ORC3: variants seen among roughly 807,000 people sequenced by gnomAD.
ORC3 encodes the protein origin recognition complex subunit 3, also known as homolog of latheo, Drosophila.
In ORC3, 78 loss-of-function variants were observed where a neutral mutation model predicts 100.7. That is an observed-to-expected ratio of 0.77 (90% confidence interval 0.65 to 0.94). The LOEUF is 0.94. Ranked by LOEUF, ORC3 falls within the 40% of genes least tolerant of loss-of-function variation. The pLI is 0.00. For synonymous variants in ORC3, 295 were observed against 289.3 expected (o/e 1.02, Z -0.20); for missense variants, 789 against 823.9 (o/e 0.96, Z 0.52).
intron 13 of ORC3, among the ~76,000 whole-genome samples, chr6:87,647,187 C>T (rs78130080): frequency 0.013 from 1,957 of 152,224 alleles, 50 homozygotes; most frequent in African/African-American, 0.045. Context: ...CAAAACCCTC[C>T]GTTAACTCCG....
At chr6:87,653,567 G>A (rs1769441397) in intron 14 of ORC3, among the ~76,000 whole-genome samples, 1 of 152,204 alleles carries the variant, frequency 6.6e-6, no homozygotes, top group Non-Finnish European at 1.5e-5. Context: ...GTAGCAGGGT[G>A]TCATAATTAA....
intron 16 of ORC3, among the ~76,000 whole-genome samples, chr6:87,662,285 C>T (rs151065212): frequency 0.029 from 4,393 of 152,008 alleles, 215 homozygotes; most frequent in African/African-American, 0.1. Context: ...ATTAGCCGGG[C>T]GTGTTGGTGG....
At chr6:87,666,280 T>A (rs189848318) in intron 19 of ORC3, among the ~76,000 whole-genome samples, 3 of 151,792 alleles carry the variant, frequency 2.0e-5, no homozygotes, top group South Asian at 2.1e-4. Flanking sequence ...TACAGGTGCC[T>A]GCCACCAAGC....
the ORC3 span, among the ~76,000 whole-genome samples, chr6:87,676,202 C>G: frequency 6.6e-6 from 1 of 152,112 alleles, no homozygotes; most frequent in African/African-American, 2.4e-5. Flanking sequence ...CGGTGGCTCA[C>G]GCCTGTAATC....
chr6:87,619,468 A>G (rs182707573), intron 9 of ORC3, among the ~76,000 whole-genome samples: 172 of 151,986 alleles, frequency 1.1e-3, no homozygotes, highest in Non-Finnish European at 1.6e-3. Context: ...GTGCAGTGGC[A>G]TAATCTGAGC....
the ORC3 span, among the ~76,000 whole-genome samples, chr6:87,674,325 A>T: frequency 6.7e-6 from 1 of 149,660 alleles, no homozygotes; most frequent in African/African-American, 2.5e-5. Context: ...AAAAAAAAAA[A>T]TTCCTTTTTC....
At chr6:87,591,558 TC>T (rs1264494593) in intron 1 of ORC3, among the ~76,000 whole-genome samples, 1 of 152,200 alleles carries the variant, frequency 6.6e-6, no homozygotes, top group African/African-American at 2.4e-5. Context: ...TATCCCTTAA[TC>T]CTGTTGATTG....
chr6:87,662,957 TA>T, intron 16 of ORC3, 45 bp from the exon 17 acceptor site: 1 of 1,373,536 alleles, frequency 7.3e-7, no homozygotes, highest in Non-Finnish European at 9.8e-7. Flanking sequence ...ATAAAGAAAA[TA>T]AACCTGTGCT....
chr6:87,600,125 TGAGTTAACTATGATTAG>T (rs1406353613), intron 2 of ORC3, among the ~76,000 whole-genome samples: 1 of 152,240 alleles, frequency 6.6e-6, no homozygotes, highest in Non-Finnish European at 1.5e-5. Context: ...CTAAAAACTC[TGAGTTAACTATGATTAG>T]GAGAGAAGTT....
intron 1 of ORC3, among the ~76,000 whole-genome samples, chr6:87,593,788 C>T (rs1777219626): frequency 6.6e-6 from 1 of 152,236 alleles, no homozygotes; most frequent in Non-Finnish European, 1.5e-5. Context: ...CCTCCATCTC[C>T]AGGGTTCAAG....
rs1193023344 is a variant in ORC3 at position 87,657,920 on chromosome 6, G to A, written c.1594-1G>A. On this transcript the variant is annotated splice_acceptor_variant, in intron 15 of 19. Coordinates refer to ENST00000392844, the MANE Select transcript of ORC3 (RefSeq NM_012381.4). LOFTEE classifies it high-confidence loss of function. Reference sequence around the variant, plus strand: ...GAAAAGCTATGTTCTTTTATCTATAGTCCTTATTGGAAATGAAGGAGTTAA... The same window carrying A: ...GAAAAGCTATGTTCTTTTATCTATAATCCTTATTGGAAATGAAGGAGTTAA... 6.8e-7 allele frequency: 1 copy of A among 1,471,974 alleles called. No individual in the cohort carries two copies. 91.2% of individuals were successfully genotyped at this position (1,471,974 alleles called of 1,614,324 possible).
chr6:87,660,004 A>G (rs1269458831), intron 16 of ORC3, among the ~76,000 whole-genome samples: 1 of 152,042 alleles, frequency 6.6e-6, no homozygotes, highest in Admixed American at 6.6e-5. Flanking sequence ...CTAGCCCCAA[A>G]CTCTTGACTC....
rs4706295 is a variant in ORC3, at chr6:87,611,172, A to G, written c.714-917A>G. On this transcript the variant is annotated intron_variant, in intron 7 of 19. Transcript: ENST00000392844. ...GGCTGGTCTCAAACTCTTGGCCTCA[A>G]GAGATCTGCCCTCCTCAGTCTCCCA... Among the ~76,000 whole-genome samples the G allele has an allele frequency of 6.8e-3, 1,039 of 151,784 alleles. 29 individuals carry two copies. Among genetic ancestry groups the G allele is most frequent in the Admixed American group, 0.047 (712 of 15,232 alleles).
chr6:87,631,619 A>G (rs561904557), intron 11 of ORC3, among the ~76,000 whole-genome samples: 29 of 151,998 alleles, frequency 1.9e-4, no homozygotes, highest in Admixed American at 1.8e-3. Context: ...CAGCCTCCCA[A>G]GTAGCTGGGA....
chr6:87,645,632 A>G (rs1768703913), intron 13 of ORC3, among the ~76,000 whole-genome samples: 1 of 152,180 alleles, frequency 6.6e-6, no homozygotes. Context: ...TTAGAATTTG[A>G]AAACTCGTCA....
intron 13 of ORC3, among the ~76,000 whole-genome samples, chr6:87,647,127 C>G (rs1013536624): frequency 6.6e-6 from 1 of 152,182 alleles, no homozygotes; most frequent in African/African-American, 2.4e-5. Flanking sequence ...CTCAAAGTAG[C>G]AGTCAGAATA....
In ORC3 at chr6:87,658,151, A is replaced by G. The variant is rs543395247; in HGVS notation, c.1691+133A>G. 80 of 559,274 alleles carry G rather than the reference A, an allele frequency of 1.4e-4. No homozygotes were observed. The South Asian group carries it at 1.7e-3, about 12-fold the overall frequency. 34.6% of individuals were successfully genotyped at this position (559,274 alleles called of 1,614,324 possible). On this transcript the variant is annotated intron_variant, in intron 16 of 19. Transcript: ENST00000392844. The stretch of plus-strand genomic sequence containing the variant: ...GGCTTTATGCTTTTCAGGTCTCTCC[A>G]TCTAGCTTAGAGTTGTAATTTTTAG...
intron 11 of ORC3, among the ~76,000 whole-genome samples, chr6:87,630,698 T>C (rs1489756386): frequency 6.6e-6 from 1 of 152,142 alleles, no homozygotes; most frequent in East Asian, 1.9e-4. Flanking sequence ...AGTCAAAATT[T>C]TAAATAAGGA....
chr6:87,616,112 A>G (rs1319530840), intron 8 of ORC3, among the ~76,000 whole-genome samples: 2 of 152,178 alleles, frequency 1.3e-5, no homozygotes, highest in Non-Finnish European at 2.9e-5. Flanking sequence ...AAGATACAGT[A>G]TAAGTAGCTT....
Sources: gnomAD v4.1 joint callset for allele counts (sites outside exome capture counted in the v4.1 genomes callset) on GRCh38, gnomAD v4.1.1 for gene constraint, MANE v1.5 for transcripts, NCBI Gene and HGNC (gene_info 2026-07-23, HGNC 2026-07-21) for gene names.